The following GIGYF2 variants were observed in gnomAD, a reference collection of about 807,000 sequenced individuals.
The protein encoded by GIGYF2 is GRB10-interacting GYF protein 2.
GIGYF2 carries 25 observed loss-of-function variants against 208.1 expected under a neutral mutation model. That is an observed-to-expected ratio of 0.12 (90% CI 0.09 to 0.17). The LOEUF is 0.17. Among genes scored for constraint, GIGYF2 ranks in the 10% least tolerant of loss-of-function variants. The pLI is 1.00. For missense variants in GIGYF2, 1,302 were observed against 1,579.4 expected (o/e 0.82, Z 2.98); for synonymous variants, 534 against 543.8 (o/e 0.98, Z 0.25).
At chr2:232,722,992 A>G (rs1455541002) in intron 2 of GIGYF2, among the ~76,000 whole-genome samples, 1 of 151,792 alleles carries the variant, frequency 6.6e-6, no homozygotes, top group African/African-American at 2.4e-5. Flanking sequence ...ATTATTTTTT[A>G]TGTAAGTTTT....
Position 232,740,079 on chromosome 2 carries a change from C to T in GIGYF2, c.41+4841C>T, listed in dbSNP as rs1057297970. Among the ~76,000 whole-genome samples the T allele has an allele frequency of 5.9e-5, 9 of 152,216 alleles. No individual in the cohort carries two copies. In the East Asian group the frequency reaches 1.7e-3, roughly 29 times the overall value. On this transcript the variant is annotated intron_variant, in intron 3 of 28. Coordinates refer to ENST00000373563, the MANE Select transcript of GIGYF2 (RefSeq NM_001103146.3). ...GTTGCAGTGAGCTGAGATCATGTCACTGCACTCCATCCTGAGTGACAAAGT... is the reference window on the plus strand; with the variant it reads ...GTTGCAGTGAGCTGAGATCATGTCATTGCACTCCATCCTGAGTGACAAAGT...
intron 23 of GIGYF2, among the ~76,000 whole-genome samples, chr2:232,843,561 T>TAA (rs1288844621): frequency 1.3e-5 from 1 of 79,754 alleles, no homozygotes; most frequent in East Asian, 3.3e-4. Flanking sequence ...AGACCCTGTC[T>TAA]CAAAAAAAAA....
At chr2:232,845,463 A>G (rs1201475921) in intron 25 of GIGYF2, among the ~76,000 whole-genome samples, 1 of 152,200 alleles carries the variant, frequency 6.6e-6, no homozygotes. Context: ...AGTAAAATTA[A>G]ACAACTTACC....
At chr2:232,747,516 T>C in intron 3 of GIGYF2, 99 bp from the exon 4 acceptor site, 2 of 1,284,730 alleles carry the variant, frequency 1.6e-6, no homozygotes, top group Non-Finnish European at 1.1e-6. Flanking sequence ...TTCTTTTTGC[T>C]CTTCTAAAGA....
chr2:232,835,381 T>C (rs1365033318), intron 22 of GIGYF2, among the ~76,000 whole-genome samples: 3 of 152,228 alleles, frequency 2.0e-5, no homozygotes, highest in Non-Finnish European at 4.4e-5. Flanking sequence ...TTTACTACTT[T>C]AGTTATAGCT....
chr2:232,806,555 G>A lies in GIGYF2; in HGVS notation c.1704G>A (p.Leu568=). 6.2e-7 allele frequency: 1 copy of A among 1,609,618 alleles called. No individual in the cohort carries two copies. Among genetic ancestry groups the A allele is most frequent in the Non-Finnish European group, 8.5e-7 (1 of 1,175,918 alleles). The change falls in exon 15 of 29, where the codon TTG becomes TTA. Residue 568 remains leucine (L), a synonymous_variant. Coordinates refer to ENST00000373563, the MANE Select transcript of GIGYF2 (RefSeq NM_001103146.3). This position sits in a 1 kb window ranked among gnomAD's most constrained non-coding sequence, Gnocchi z 4.0. ...CGGGCTATTTTACTATGTCTTTATT[G>A]GTGAAGAGAGCGTGTGATGAAAGCT... The part of the protein sequence containing the change: ...FQAGYFTMSL[L]VKRACDESFQ...
intron 2 of GIGYF2, among the ~76,000 whole-genome samples, chr2:232,713,972 C>T (rs748968256): frequency 1.9e-4 from 27 of 139,886 alleles, no homozygotes; most frequent in African/African-American, 3.2e-4. Flanking sequence ...TTTTTTGAGA[C>T]GGAGTCTCGC....
chr2:232,726,099 C>T (rs1419330881), intron 2 of GIGYF2, among the ~76,000 whole-genome samples: 6 of 152,108 alleles, frequency 3.9e-5, no homozygotes, highest in African/African-American at 1.4e-4. Flanking sequence ...GTGGCCCACA[C>T]CTGTAATCCA....
intron 3 of GIGYF2, among the ~76,000 whole-genome samples, chr2:232,742,260 G>C (rs1427551330): frequency 6.6e-6 from 1 of 152,218 alleles, no homozygotes; most frequent in Non-Finnish European, 1.5e-5. Context: ...AAGAATTGGG[G>C]CTGGGCGCAG....
chr2:232,819,864 C>T lies in GIGYF2; in HGVS notation c.2408C>T (p.Ala803Val). 1.9e-6 allele frequency: 3 copies of T among 1,585,216 alleles called. No individual in the cohort carries two copies. Among genetic ancestry groups the T allele is most frequent in the Non-Finnish European group, 2.6e-6 (3 of 1,167,490 alleles). ...ALRRQREQEIALRRQREEEER... is the reference protein window; with the variant it reads ...ALRRQREQEIVLRRQREEEER... ...CGTCGCCAGCGGGAGCAAGAAATTGCATTAAGGCGACAGCGAGAAGAGGAA... is the reference window on the plus strand; with the variant it reads ...CGTCGCCAGCGGGAGCAAGAAATTGTATTAAGGCGACAGCGAGAAGAGGAA... Residue 803 changes from alanine (A) to valine (V), a missense_variant, in exon 21 of 29, where the codon GCA (alanine) becomes GTA (valine). This residue lies in a region of GIGYF2 where 701 missense variants were observed against 793.0 expected (regional missense o/e 0.88). Transcript: ENST00000373563.
chr2:232,700,706 T>C (rs1253975718), intron 1 of GIGYF2: 1 of 152,242 alleles, frequency 6.6e-6, no homozygotes, highest in African/African-American at 2.4e-5. Context: ...GCATATTGTT[T>C]GGTCATTGTT....
intron 16 of GIGYF2, chr2:232,810,865 G>A (rs1469137740): frequency 4.0e-6 from 1 of 248,658 alleles, no homozygotes; most frequent in East Asian, 1.0e-4. Context: ...TACGTCATAT[G>A]GTTAAAGCTA....
intron 28 of GIGYF2, among the ~76,000 whole-genome samples, chr2:232,855,400 G>A (rs943900305): frequency 6.6e-6 from 1 of 152,182 alleles, no homozygotes; most frequent in Non-Finnish European, 1.5e-5. Context: ...TGTGAGTACT[G>A]CTTATTGCCT....
chr2:232,841,299 CT>C lies in GIGYF2; in HGVS notation c.2889+1336del, dbSNP rs568394133. Reference sequence around the variant, plus strand: ...ATTATTTCATTCGTGTTTTCTTTTTCTTTTTTTTCTTTTAGAGACTGAGGCT... The same window carrying C: ...ATTATTTCATTCGTGTTTTCTTTTTCTTTTTTTCTTTTAGAGACTGAGGCT... On this transcript the variant is annotated intron_variant, in intron 23 of 28. Coordinates refer to ENST00000373563, the MANE Select transcript of GIGYF2 (RefSeq NM_001103146.3). 5.2e-3 allele frequency among the ~76,000 whole-genome samples: 781 copies of C among 151,564 alleles called. 4 individuals carry two copies. Among genetic ancestry groups the C allele is most frequent in the African/African-American group, 0.018 (755 of 41,326 alleles).
intron 2 of GIGYF2, among the ~76,000 whole-genome samples, chr2:232,713,059 T>A (rs1260673404): frequency 6.9e-6 from 1 of 145,538 alleles, no homozygotes; most frequent in African/African-American, 2.6e-5. Flanking sequence ...ACTGCATTTT[T>A]AAAAAGTGTA....
chr2:232,838,673 G>A (rs914466891), intron 22 of GIGYF2, among the ~76,000 whole-genome samples: 2 of 152,096 alleles, frequency 1.3e-5, no homozygotes, highest in African/African-American at 4.8e-5. Context: ...AGGTTATGCT[G>A]CCAGTTTGAG....
At chr2:232,794,970 TCTC>T (rs764842522) in intron 13 of GIGYF2, 26 bp downstream of exon 13, 1 of 1,532,606 alleles carries the variant, frequency 6.5e-7, no homozygotes, top group Non-Finnish European at 9.0e-7. Flanking sequence ...ATTCTTTTTG[TCTC>T]CTCTTAAACT....
At chr2:232,709,413 T>C (rs1006460845) in intron 2 of GIGYF2, among the ~76,000 whole-genome samples, 1 of 152,206 alleles carries the variant, frequency 6.6e-6, no homozygotes, top group Non-Finnish European at 1.5e-5. Flanking sequence ...AGCCTAGAAC[T>C]CCTGAGCTAA....
chr2:232,811,138 A>G, intron 16 of GIGYF2, 106 bp from the exon 17 acceptor site: 5 of 697,162 alleles, frequency 7.2e-6, no homozygotes, highest in Non-Finnish European at 1.3e-5. Flanking sequence ...GCTATTTCTA[A>G]TAATGTCTCC....
Sources: gnomAD v4.1 joint callset for allele counts (sites outside exome capture counted in the v4.1 genomes callset) on GRCh38, gnomAD v4.1.1 for gene constraint, gnomAD v4.1.1 regional missense constraint, Gnocchi (gnomAD v3.1) non-coding constraint, MANE v1.5 for transcripts, NCBI Gene and HGNC (gene_info 2026-07-23, HGNC 2026-07-21) for gene names.